Variants in PBX1 observed in about 807,000 individuals in gnomAD.
PBX1 encodes PBX homeobox 1.
A neutral mutation model predicts 53.4 loss-of-function variants in PBX1; 6 were observed. The ratio of observed to expected loss-of-function variants is 0.11; its 90% CI spans 0.06 to 0.22. The LOEUF (loss-of-function observed/expected upper bound fraction) is 0.22, where lower values mean the gene tolerates loss of function less well. Ranked by LOEUF, PBX1 falls within the 10% of genes least tolerant of loss-of-function variation. The pLI, the probability that PBX1 is intolerant of heterozygous loss-of-function variation, is 1.00. For missense variants in PBX1, 251 were observed against 551.4 expected, an observed-to-expected ratio of 0.46 and a Z score of 5.46; for synonymous variants, 204 against 212.3, an observed-to-expected ratio of 0.96 and a Z score of 0.34.
intron 2 of PBX1, chr1:164,626,070 C>A (rs1388432634): frequency 2.8e-5 from 29 of 1,035,018 alleles, no homozygotes; most frequent in Non-Finnish European, 3.4e-5. Context: ...CACCACCACC[C>A]CAGTTTTGGG....
chr1:164,786,720 T>TGTGTGTGCGCGC (rs1357886882), intron 2 of PBX1, among the ~76,000 whole-genome samples: 127 of 116,280 alleles, frequency 1.1e-3, no homozygotes, highest in African/African-American at 4.1e-3. Context: ...TGTGTGTGTG[T>TGTGTGTGCGCGC]GCGCGCGCAC....
chr1:164,775,890 T>G (rs915892996), intron 2 of PBX1, among the ~76,000 whole-genome samples: 2 of 152,142 alleles, frequency 1.3e-5, no homozygotes, highest in African/African-American at 4.8e-5. Context: ...TTTGAATATG[T>G]GGCAGTCTAC....
intron 2 of PBX1, among the ~76,000 whole-genome samples, chr1:164,613,448 T>G (rs1338570085): frequency 6.6e-6 from 1 of 152,122 alleles, no homozygotes; most frequent in African/African-American, 2.4e-5. Flanking sequence ...TGGCAAACTG[T>G]TTTTCCTCCT....
At chr1:164,765,274 T>G (rs1269450494) in intron 2 of PBX1, among the ~76,000 whole-genome samples, 1 of 152,228 alleles carries the variant, frequency 6.6e-6, no homozygotes, top group Non-Finnish European at 1.5e-5. Context: ...AAATTGCTTC[T>G]GGTATATGTG....
chr1:164,639,131 C>G (rs760659330), intron 2 of PBX1, among the ~76,000 whole-genome samples: 54 of 152,172 alleles, frequency 3.5e-4, no homozygotes, highest in Non-Finnish European at 6.3e-4. Flanking sequence ...ATAGCAATAT[C>G]GGTTTTACAG....
Position 164,628,998 on chromosome 1 carries a change from A to C in PBX1, c.265+65687A>C, listed in dbSNP as rs78732703. 2.7e-3 allele frequency among the ~76,000 whole-genome samples: 408 copies of C among 152,250 alleles called. 15 individuals carry two copies. The East Asian group carries it at 0.074, about 28-fold the overall frequency. On this transcript the variant is annotated intron_variant, in intron 2 of 8. Coordinates refer to ENST00000420696, the MANE Select transcript of PBX1 (RefSeq NM_002585.4). ...CCATCGTTTCTTAGGGTAGAGCAGG[A>C]TGACATCTCACGCAAGATTCTTGAA...
downstream of PBX1, among the ~76,000 whole-genome samples, chr1:164,856,696 A>G (rs773537689): frequency 6.6e-6 from 1 of 152,116 alleles, no homozygotes. Context: ...TTCTCTATAC[A>G]TATAACTGCT....
At chr1:164,853,504 G>C (rs1671905480), downstream of PBX1, among the ~76,000 whole-genome samples, 1 of 152,218 alleles carries the variant, frequency 6.6e-6, no homozygotes, top group African/African-American at 2.4e-5. Context: ...AAGATCAAGA[G>C]AGGGATTTAA....
intron 2 of PBX1, among the ~76,000 whole-genome samples, chr1:164,564,759 C>A (rs957563034): frequency 6.6e-6 from 1 of 151,936 alleles, no homozygotes; most frequent in Non-Finnish European, 1.5e-5. Flanking sequence ...TCCAGTTTGT[C>A]ACACTTTTTA....
intron 2 of PBX1, among the ~76,000 whole-genome samples, chr1:164,734,185 T>C (rs776016343): frequency 1.3e-5 from 2 of 152,230 alleles, no homozygotes; most frequent in Non-Finnish European, 2.9e-5. Flanking sequence ...CTATGTACTT[T>C]GGAGTTATCT....
rs956315050 is a variant in PBX1 at position 164,585,087 on chromosome 1, A to G, written c.265+21776A>G. Among the ~76,000 whole-genome samples the G allele has an allele frequency of 5.3e-5, 8 of 152,210 alleles. No individual in the cohort carries two copies. The South Asian group carries it at 8.3e-4, about 16-fold the overall frequency. ...AAATTAACTAATTAATTTGACATCA[A>G]TGAAAGAGGTTGTAGAACTGGAGGC... On this transcript the variant is annotated intron_variant, in intron 2 of 8. Coordinates refer to ENST00000420696, the MANE Select transcript of PBX1 (RefSeq NM_002585.4).
chr1:164,573,089 G>T (rs1653985213), intron 2 of PBX1, among the ~76,000 whole-genome samples: 1 of 152,028 alleles, frequency 6.6e-6, no homozygotes, highest in South Asian at 2.1e-4. Context: ...TAAATTTAAT[G>T]ATTTACATTT....
chr1:164,563,337 G>T, intron 2 of PBX1, 26 bp downstream of exon 2: 1 of 1,521,888 alleles, frequency 6.6e-7, no homozygotes. Context: ...CAACATTTTA[G>T]CATTTTCTTT....
rs373403143 is a variant in PBX1, at chr1:164,636,326, A to G, written c.265+73015A>G. Among the ~76,000 whole-genome samples, 11 of 152,170 alleles carry G rather than the reference A, an allele frequency of 7.2e-5. No individual in the cohort carries two copies. In the East Asian group the frequency reaches 7.7e-4, roughly 11 times the overall value. On this transcript the variant is annotated intron_variant, in intron 2 of 8. Transcript: ENST00000420696. Reference sequence around the variant, plus strand: ...TCTGAACAAGGCTATTTTCATTTCTACATGACCATCTTGAAGGCATCTTAT... The same window carrying G: ...TCTGAACAAGGCTATTTTCATTTCTGCATGACCATCTTGAAGGCATCTTAT...
intron 2 of PBX1, among the ~76,000 whole-genome samples, chr1:164,780,844 C>T (rs1366682541): frequency 6.6e-6 from 1 of 152,146 alleles, no homozygotes; most frequent in Non-Finnish European, 1.5e-5. Context: ...ACTAGGATTT[C>T]TTATTTACTG....
At chr1:164,820,418 A>C (rs1268713092) in intron 7 of PBX1, among the ~76,000 whole-genome samples, 1 of 152,222 alleles carries the variant, frequency 6.6e-6, no homozygotes, top group Admixed American at 6.5e-5. Flanking sequence ...GGAGAAGAAC[A>C]GTAAGCACAG....
intron 2 of PBX1, among the ~76,000 whole-genome samples, chr1:164,603,928 C>CTTTTTTTTTTTTTTTT (rs1557885817): frequency 2.1e-5 from 1 of 48,734 alleles, no homozygotes. Context: ...TATGTCATTT[C>CTTTTTTTTTTTTTTTT]ATTTTTTTTT....
At chr1:164,878,383 T>C (rs978045012) in intron 2 of PBX1, among the ~76,000 whole-genome samples, 4 of 152,382 alleles carry the variant, frequency 2.6e-5, no homozygotes, top group African/African-American at 7.2e-5. Context: ...TGATGTCTCC[T>C]AGATCCTCAA....
At chr1:164,720,123 T>C (rs1328439884) in intron 2 of PBX1, among the ~76,000 whole-genome samples, 1 of 152,226 alleles carries the variant, frequency 6.6e-6, no homozygotes, top group African/African-American at 2.4e-5. Context: ...ACATGGAAAC[T>C]GGAAAGTCCC....
Sources: allele counts gnomAD v4.1 joint callset (sites outside exome capture counted in the v4.1 genomes callset), GRCh38; gene constraint gnomAD v4.1.1; transcripts MANE v1.5; gene names NCBI Gene and HGNC (gene_info 2026-07-23, HGNC 2026-07-21).